Variants in TBCK observed in about 807,000 individuals in gnomAD.
TBCK encodes TBC1 domain containing kinase.
In TBCK, 99 loss-of-function variants were observed where a neutral mutation model predicts 113.4. The observed-to-expected ratio is 0.87, with a 90% confidence interval of 0.74 to 1.03. The LOEUF (loss-of-function observed/expected upper bound fraction) is 1.03, where lower values mean the gene tolerates loss of function less well. Among genes scored for constraint, TBCK ranks in the 50% least tolerant of loss-of-function variants. The pLI, the probability that TBCK is intolerant of heterozygous loss-of-function variation, is 0.00. For missense variants in TBCK, 1,045 were observed against 1,061.3 expected (o/e 0.98, Z 0.21); for synonymous variants, 369 against 370.8 (o/e 1.00, Z 0.05).
intron 16 of TBCK, among the ~76,000 whole-genome samples, 161 bp from the exon 17 acceptor site, chr4:106,233,225 T>G (rs1252378198): frequency 6.6e-6 from 1 of 152,038 alleles, no homozygotes; most frequent in African/African-American, 2.4e-5. Context: ...TTAATTGATC[T>G]TATGGAAAGA....
intron 23 of TBCK, among the ~76,000 whole-genome samples, chr4:106,158,790 T>G (rs193194719): frequency 6.6e-6 from 1 of 152,144 alleles, no homozygotes; most frequent in Non-Finnish European, 1.5e-5. Flanking sequence ...TCCTAACTCA[T>G]TGTGTAAGCC....
At chr4:106,223,137 C>T (rs2149955971) in intron 19 of TBCK, among the ~76,000 whole-genome samples, 1 of 152,190 alleles carries the variant, frequency 6.6e-6, no homozygotes, top group South Asian at 2.1e-4. Context: ...TCATTAAAGT[C>T]ATTAAGCAAA....
chr4:106,187,750 G>A (rs750340622), intron 22 of TBCK, among the ~76,000 whole-genome samples: 112 of 152,072 alleles, frequency 7.4e-4, no homozygotes, highest in Non-Finnish European at 1.1e-3. Context: ...TGTAGTTATC[G>A]TTGTAGAGAT....
chr4:106,159,760 C>A (rs1157257453), intron 23 of TBCK, among the ~76,000 whole-genome samples: 1 of 152,102 alleles, frequency 6.6e-6, no homozygotes, highest in Admixed American at 6.5e-5. Flanking sequence ...ATGTTTTTAG[C>A]AGAAATAGAA....
In TBCK at chr4:106,070,024, C is replaced by T. The variant is rs996436884; in HGVS notation, c.2572-23344G>A. On this transcript the variant is annotated intron_variant, in intron 25 of 25. Transcript: ENST00000394708. ...AGACTTTGCTGAAGTTGCTTATCAG[C>T]TTAAGGAGATTTTGGGCTGAGACGA... 4.6e-5 allele frequency among the ~76,000 whole-genome samples: 7 copies of T among 152,074 alleles called. No homozygotes were observed. In the South Asian group the frequency reaches 1.2e-3, roughly 27 times the overall value.
chr4:106,248,014 A>AGT, intron 9 of TBCK: 1 of 337,790 alleles, frequency 3.0e-6, no homozygotes, highest in Non-Finnish European at 5.4e-6. Context: ...AAAATGAACT[A>AGT]GTAACTTCTT....
intron 23 of TBCK, among the ~76,000 whole-genome samples, chr4:106,165,712 G>A (rs560406533): frequency 6.6e-6 from 1 of 151,752 alleles, no homozygotes; most frequent in South Asian, 2.1e-4. Flanking sequence ...ACTGAATTAG[G>A]AGCTTTACGT....
At chr4:106,112,842 A>T (rs1178756186) in intron 24 of TBCK, among the ~76,000 whole-genome samples, 1 of 152,118 alleles carries the variant, frequency 6.6e-6, no homozygotes, top group Admixed American at 6.5e-5. Context: ...TTTTCCACCA[A>T]AACTGGAGAA....
intron 23 of TBCK, among the ~76,000 whole-genome samples, chr4:106,119,724 A>G (rs1156789314): frequency 6.6e-6 from 1 of 152,220 alleles, no homozygotes; most frequent in African/African-American, 2.4e-5. Flanking sequence ...GTAAAGAGAC[A>G]ACTTGCAGAA....
chr4:106,098,771 T>C (rs1741222684), intron 24 of TBCK, among the ~76,000 whole-genome samples: 1 of 152,118 alleles, frequency 6.6e-6, no homozygotes, highest in African/African-American at 2.4e-5. Flanking sequence ...TGGCATATGG[T>C]GACCTTACAC....
At chr4:106,141,287 C>A (rs1747126917) in intron 23 of TBCK, among the ~76,000 whole-genome samples, 1 of 139,722 alleles carries the variant, frequency 7.2e-6, no homozygotes, top group Non-Finnish European at 1.6e-5. Flanking sequence ...AAAATAATTA[C>A]AAATAATGAG....
chr4:106,251,393 AT>A (rs753907489), intron 6 of TBCK, among the ~76,000 whole-genome samples: 13 of 151,204 alleles, frequency 8.6e-5, no homozygotes, highest in African/African-American at 2.9e-4. Context: ...AGATGCTTTG[AT>A]TTTTTTTTAA....
At chr4:106,147,993 T>C (rs920384392) in intron 23 of TBCK, among the ~76,000 whole-genome samples, 8 of 152,172 alleles carry the variant, frequency 5.3e-5, no homozygotes, top group African/African-American at 1.9e-4. Flanking sequence ...GGCGTGGCCA[T>C]CTTCTATGGT....
chr4:106,127,024 G>A (rs1325946515), intron 23 of TBCK, among the ~76,000 whole-genome samples: 1 of 151,818 alleles, frequency 6.6e-6, no homozygotes, highest in East Asian at 1.9e-4. Context: ...TCTGGCCAAC[G>A]TGGTGAAACC....
chr4:106,261,971 A>C (rs1465355410), intron 4 of TBCK, 127 bp downstream of exon 4: 1 of 438,398 alleles, frequency 2.3e-6, no homozygotes, highest in Non-Finnish European at 4.0e-6. Context: ...TTTCATATAG[A>C]CTTTTCATTA....
intron 3 of TBCK, among the ~76,000 whole-genome samples, chr4:106,291,090 T>G (rs1287632776): frequency 6.6e-6 from 1 of 152,174 alleles, no homozygotes; most frequent in Non-Finnish European, 1.5e-5. Context: ...GGTGGTAGGC[T>G]TTTGAGTGGC....
chr4:106,306,649 CA>C (rs1273869512), intron 2 of TBCK, among the ~76,000 whole-genome samples: 2 of 152,108 alleles, frequency 1.3e-5, no homozygotes. Context: ...ACATGTTTGT[CA>C]AAGCAGTGGA....
chr4:106,073,491 C>T (rs56222430), intron 25 of TBCK, among the ~76,000 whole-genome samples: 19,441 of 152,142 alleles, frequency 0.13, 1,560 homozygotes, highest in South Asian at 0.24. Flanking sequence ...CTGGAAGCTT[C>T]GTATCAGAGG....
chr4:106,044,028 TA>T lies in TBCK; in HGVS notation c.*2541del, dbSNP rs956244843. On this transcript the variant is annotated 3_prime_UTR_variant, in exon 26 of 26. Transcript: ENST00000394708. Reference sequence around the variant, plus strand: ...TATTAAATATTATAATTTTCATGTTTAAAAAACTTCAATTTCTTGGAATAAG... The same window carrying T: ...TATTAAATATTATAATTTTCATGTTTAAAAACTTCAATTTCTTGGAATAAG... 1 of 152,206 alleles carries T rather than the reference TA, an allele frequency of 6.6e-6. No homozygotes were observed. Among genetic ancestry groups the T allele is most frequent in the Admixed American group, 6.5e-5 (1 of 15,286 alleles). The allele number at this position is 152,206 out of a possible 1,614,324, so 9.4% of individuals were successfully genotyped here. A position where few individuals can be genotyped will look rare whatever the true frequency, so the allele number is the denominator to read the frequency against.
Sources: gnomAD v4.1 joint callset for allele counts (sites outside exome capture counted in the v4.1 genomes callset) on GRCh38, gnomAD v4.1.1 for gene constraint, MANE v1.5 for transcripts, NCBI Gene and HGNC (gene_info 2026-07-23, HGNC 2026-07-21) for gene names.